TSKS: variants seen among roughly 807,000 people sequenced by gnomAD.
TSKS encodes the protein testis-specific serine kinase substrate.
In TSKS, 27 loss-of-function variants were observed where a neutral mutation model predicts 68.0. The ratio of observed to expected loss-of-function variants is 0.40; its 90% CI spans 0.29 to 0.55. TSKS has a LOEUF of 0.55. TSKS is among the 20% of genes least tolerant of loss of function. The pLI, the probability that TSKS is intolerant of heterozygous loss-of-function variation, is 0.53. For missense variants in TSKS, 806 were observed against 776.0 expected, an observed-to-expected ratio of 1.04 and a Z score of -0.46; for synonymous variants, 331 against 340.4, an observed-to-expected ratio of 0.97 and a Z score of 0.30.
At chr19:49,762,951 T>G in intron 1 of TSKS, 127 bp downstream of exon 1, 1 of 1,258,324 alleles carries the variant, frequency 7.9e-7, no homozygotes, top group African/African-American at 1.5e-5. Context: ...ACTGCTGCCC[T>G]CTTTCCTGCC....
rs1176348768 is a variant in TSKS at position 49,744,329 on chromosome 19, C to T, written c.1263G>A (p.Leu421=). The change falls in exon 8 of 11, where the codon CTG becomes CTA. Residue 421 remains leucine, a synonymous_variant. Coordinates refer to ENST00000246801, the MANE Select transcript of TSKS (RefSeq NM_021733.2). ...LEGLGPLKPI[L]EEFGRQFQNS... is the part of the protein sequence containing the mutation. Reference sequence around the variant, plus strand: ...TCTGAAATTGCCGCCCGAACTCCTCCAGAATGGGTTTCAGTGGGCCCAGCC... The same window carrying T: ...TCTGAAATTGCCGCCCGAACTCCTCTAGAATGGGTTTCAGTGGGCCCAGCC... 6.2e-7 allele frequency: 1 copy of T among 1,614,002 alleles called. No homozygotes were observed. The highest frequency in any genetic ancestry group is 2.2e-5 in the East Asian group (1 of 44,880).
intron 2 of TSKS, among the ~76,000 whole-genome samples, chr19:49,754,010 C>T (rs1251652328): frequency 6.7e-6 from 1 of 149,226 alleles, no homozygotes; most frequent in Non-Finnish European, 1.5e-5. Flanking sequence ...TCAGCCTCCC[C>T]AGTAGCTGGG....
At chr19:49,754,524 C>A (rs879926380) in intron 2 of TSKS, among the ~76,000 whole-genome samples, 7 of 151,546 alleles carry the variant, frequency 4.6e-5, no homozygotes, top group Non-Finnish European at 1.0e-4. Flanking sequence ...TAAAAAATGG[C>A]CAGTTTTCAA....
At chr19:49,755,165 C>T (rs948980692) in intron 2 of TSKS, among the ~76,000 whole-genome samples, 51 of 152,192 alleles carry the variant, frequency 3.4e-4, no homozygotes, top group Admixed American at 9.8e-4. Flanking sequence ...GGCTCTGTAG[C>T]AGAATAATGA....
Position 49,745,120 on chromosome 19 carries a change from C to T in TSKS, c.1187+82G>A, listed in dbSNP as rs751081598. ...TGCCTGGCCATAGCTGATTGGCCTA[C>T]CCATTTCCCTCAAGACCCCGCCCTC... On this transcript the variant is annotated intron_variant, in intron 7 of 10. Transcript: ENST00000246801. 28 of 1,386,712 alleles carry T rather than the reference C, an allele frequency of 2.0e-5. No individual in the cohort carries two copies. The African/African-American group carries it at 2.4e-4, about 12-fold the overall frequency. The allele number at this position is 1,386,712 out of a possible 1,614,324, so 85.9% of individuals were successfully genotyped here.
intron 2 of TSKS, among the ~76,000 whole-genome samples, chr19:49,761,373 C>T (rs2084438941): frequency 6.6e-6 from 1 of 152,128 alleles, no homozygotes. Flanking sequence ...TTCCCTAAGT[C>T]CCCCTAAATC....
intron 2 of TSKS, among the ~76,000 whole-genome samples, chr19:49,755,293 G>A (rs2084384029): frequency 6.6e-6 from 1 of 152,162 alleles, no homozygotes; most frequent in African/African-American, 2.4e-5. Flanking sequence ...AGTCCCAGAA[G>A]GAAAGAAAGG....
At chr19:49,746,903 C>T in intron 5 of TSKS, 105 bp from the exon 6 acceptor site, 3 of 1,520,010 alleles carry the variant, frequency 2.0e-6, no homozygotes, top group South Asian at 1.3e-5. Flanking sequence ...GGAAGTAGAA[C>T]GCCTGTGGGG....
intron 2 of TSKS, among the ~76,000 whole-genome samples, chr19:49,749,750 A>G (rs915275415): frequency 5.3e-5 from 8 of 152,056 alleles, no homozygotes; most frequent in African/African-American, 1.7e-4. Flanking sequence ...TGCTAAGAGT[A>G]TAGGTGCTTG....
chr19:49,755,013 C>T (rs2084382097), intron 2 of TSKS, among the ~76,000 whole-genome samples: 1 of 152,154 alleles, frequency 6.6e-6, no homozygotes, highest in African/African-American at 2.4e-5. Context: ...AGCAGAATCG[C>T]TTGAACCCAG....
Position 49,744,333 on chromosome 19 carries a change from A to G in TSKS, c.1259T>C (p.Ile420Thr). 1.9e-6 allele frequency: 3 copies of G among 1,614,040 alleles called. No individual in the cohort carries two copies. In the South Asian group the frequency reaches 3.3e-5, roughly 18 times the overall value. ...AAATTGCCGCCCGAACTCCTCCAGA[A>G]TGGGTTTCAGTGGGCCCAGCCCCTC... ...ELEGLGPLKPILEEFGRQFQN... is the reference protein window; with the variant it reads ...ELEGLGPLKPTLEEFGRQFQN... Residue 420 changes from isoleucine to threonine, a missense_variant, in exon 8 of 11, where the codon ATT becomes ACT. Transcript: ENST00000246801.
Position 49,743,908 on chromosome 19 carries a change from C to T in TSKS, c.1361+323G>A, listed in dbSNP as rs142125053. ...TTTTAGTAGATACGGGGTTTCACCA[C>T]GTTGGCCAGGCTAGTCTCGAACTCC... is the stretch of plus-strand genomic sequence containing the variant. On this transcript the variant is annotated intron_variant, in intron 8 of 10. Transcript: ENST00000246801. Among the ~76,000 whole-genome samples the T allele has an allele frequency of 2.0e-5, 3 of 151,862 alleles. No individual in the cohort carries two copies. The East Asian group carries it at 5.8e-4, about 30-fold the overall frequency.
In TSKS at chr19:49,740,075, C is replaced by A. The variant is rs1184729576; in HGVS notation, c.1606G>T (p.Asp536Tyr). 1 of 1,614,188 alleles carries A rather than the reference C, an allele frequency of 6.2e-7. No individual in the cohort carries two copies. The highest frequency in any genetic ancestry group is 1.3e-5 in the African/African-American group (1 of 75,068). ...ALRAKNLLLT[D>Y]KMKPEEKMAT... Reference sequence around the variant, plus strand: ...CTTCCTCACTCTGGCTTCATCTTGTCTGTCAGCAGTAGGTTCTTGGCCCGC... The same window carrying A: ...CTTCCTCACTCTGGCTTCATCTTGTATGTCAGCAGTAGGTTCTTGGCCCGC... Residue 536 changes from aspartate (D) to tyrosine (Y), a missense_variant, in exon 10 of 11, where the codon GAC (aspartate) becomes TAC (tyrosine). Coordinates refer to ENST00000246801, the MANE Select transcript of TSKS (RefSeq NM_021733.2).
At chr19:49,761,958 T>G in intron 2 of TSKS, 46 bp downstream of exon 2, 3 of 1,504,718 alleles carry the variant, frequency 2.0e-6, no homozygotes, top group South Asian at 1.2e-5. Context: ...TACCACCTTG[T>G]GGAGGACCTC....
intron 6 of TSKS, 103 bp from the exon 7 acceptor site, chr19:49,745,499 G>A: frequency 9.7e-7 from 1 of 1,029,216 alleles, no homozygotes; most frequent in Non-Finnish European, 1.3e-6. Flanking sequence ...TCGCCCCACT[G>A]AGACCATGCC....
chr19:49,743,338 A>C (rs2084267804), intron 8 of TSKS, among the ~76,000 whole-genome samples: 1 of 151,828 alleles, frequency 6.6e-6, no homozygotes, highest in Non-Finnish European at 1.5e-5. Context: ...TTGGCCTCCC[A>C]AAGTGCTGGG....
chr19:49,752,553 A>G (rs1350227202), intron 2 of TSKS, among the ~76,000 whole-genome samples: 3 of 152,126 alleles, frequency 2.0e-5, no homozygotes, highest in African/African-American at 7.2e-5. Context: ...AACCTCTTTT[A>G]TTTATACCCA....
intron 9 of TSKS, 89 bp from the exon 10 acceptor site, chr19:49,740,272 T>C: frequency 6.8e-7 from 1 of 1,464,650 alleles, no homozygotes; most frequent in Non-Finnish European, 9.1e-7. Flanking sequence ...AAGGGTAGGG[T>C]CCCATGGGGC....
In TSKS at chr19:49,748,109, C is replaced by T. The variant is rs755430915; in HGVS notation, c.555G>A (p.Leu185=). The stretch of plus-strand genomic sequence containing the variant: ...CCTTGAGTTGAATGCAGTACCCCTC[C>T]AACTCTTCTGCCTCTTGCCGCCTTC... ...LERRRQEAEE[L]EGYCIQLKEN... The change falls in exon 4 of 11, where the codon TTG becomes TTA. Residue 185 remains leucine (L), a synonymous_variant. Coordinates refer to ENST00000246801, the MANE Select transcript of TSKS (RefSeq NM_021733.2). 2 of 1,614,166 alleles carry T rather than the reference C, an allele frequency of 1.2e-6. No homozygotes were observed.
Sources: allele counts gnomAD v4.1 joint callset (sites outside exome capture counted in the v4.1 genomes callset), GRCh38; gene constraint gnomAD v4.1.1; transcripts MANE v1.5; gene names NCBI Gene and HGNC (gene_info 2026-07-23, HGNC 2026-07-21).